Variants in RYR3 observed in about 807,000 individuals in gnomAD.
RYR3 encodes brain ryanodine receptor-calcium release channel.
RYR3 carries 207 observed loss-of-function variants against 584.3 expected under a neutral mutation model. The observed-to-expected ratio is 0.35, with a 90% CI of 0.32 to 0.40. The LOEUF is 0.40. Among genes scored for constraint, RYR3 ranks in the 10% least tolerant of loss-of-function variants. RYR3 has a pLI of 1.00. For synonymous variants in RYR3, 2,416 were observed against 2,248.5 expected (o/e 1.07, Z -2.11); for missense variants, 5,616 against 6,089.2 (o/e 0.92, Z 2.59).
chr15:33,504,909 T>C (rs1442515066), intron 3 of RYR3, among the ~76,000 whole-genome samples: 2 of 152,182 alleles, frequency 1.3e-5, no homozygotes, highest in Non-Finnish European at 2.9e-5. Context: ...AAGGAACTAG[T>C]TTAGTTATTA....
In RYR3 at chr15:33,444,674, G is replaced by C. The variant is rs374834035; in HGVS notation, c.52-28745G>C. ...TCTTAGTTGGGGCAATTACATTGGA[G>C]GCTTAGACCTGAGCGGTGGGTCAAC... On this transcript the variant is annotated intron_variant, in intron 1 of 103. Transcript: ENST00000634891. 2.5e-3 allele frequency among the ~76,000 whole-genome samples: 376 copies of C among 152,284 alleles called. 1 individual carries two copies. Among genetic ancestry groups the C allele is most frequent in the African/African-American group, 7.4e-3 (306 of 41,556 alleles).
intron 60 of RYR3, among the ~76,000 whole-genome samples, chr15:33,767,712 T>A (rs943949852): frequency 6.6e-6 from 1 of 152,192 alleles, no homozygotes; most frequent in Non-Finnish European, 1.5e-5. Context: ...GTGGCTTTTT[T>A]CTCTCTTCTT....
intron 1 of RYR3, among the ~76,000 whole-genome samples, chr15:33,426,038 T>A (rs891123711): frequency 3.3e-5 from 5 of 152,122 alleles, no homozygotes; most frequent in South Asian, 2.1e-4. Flanking sequence ...TATGTAAAGA[T>A]CAAAAATCTT....
chr15:33,331,163 A>G (rs895181476), intron 1 of RYR3, among the ~76,000 whole-genome samples: 2 of 152,196 alleles, frequency 1.3e-5, no homozygotes, highest in South Asian at 4.1e-4. Context: ...TTTTAAACAT[A>G]CTAAAGTTAA....
Position 33,860,645 on chromosome 15 carries a change from C to T in RYR3, c.14350C>T (p.Arg4784Ter), listed in dbSNP as rs780612075. 4.4e-6 allele frequency: 7 copies of T among 1,591,888 alleles called. No homozygotes were observed. Among genetic ancestry groups the T allele is most frequent in the Admixed American group, 1.7e-5 (1 of 57,360 alleles). The change falls in exon 101 of 104, where the codon CGA becomes TGA. Residue 4784 changes from arginine (R) to a stop codon, truncating the protein, a stop_gained. Transcript: ENST00000634891. LOFTEE classifies it high-confidence loss of function. ...GELRDQQEQV[R>*]EDMETKCFIC... ...GCTAAGAGACCAGCAGGAACAAGTA[C>T]GAGAAGATATGGAGGTAATGTTACT...
intron 102 of RYR3, among the ~76,000 whole-genome samples, chr15:33,862,667 G>A (rs753626561): frequency 1.3e-5 from 2 of 152,080 alleles, no homozygotes; most frequent in Admixed American, 1.3e-4. Flanking sequence ...CTGAAGTGCA[G>A]TGGCGCCATC....
chr15:33,853,692 G>A lies in RYR3; in HGVS notation c.13799+10G>A. ...CTTCTCTGGTGTCATGGTACAAAAAGCTTAGGAGTTCAAATCCAAAGCAGC... is the reference window on the plus strand; with the variant it reads ...CTTCTCTGGTGTCATGGTACAAAAAACTTAGGAGTTCAAATCCAAAGCAGC... On this transcript the variant is annotated intron_variant, in intron 96 of 103. Transcript: ENST00000634891. 6.2e-7 allele frequency: 1 copy of A among 1,610,046 alleles called. No homozygotes were observed. The highest frequency in any genetic ancestry group is 1.3e-5 in the African/African-American group (1 of 74,790).
chr15:33,632,856 G>A (rs746692289), intron 23 of RYR3, 93 bp from the exon 24 acceptor site: 93 of 1,074,448 alleles, frequency 8.7e-5, no homozygotes, highest in Middle Eastern at 5.2e-4. Flanking sequence ...CCTTATTTGC[G>A]TAGCGTTCTT....
At chr15:33,426,923 GTCTT>G (rs1292823423) in intron 1 of RYR3, among the ~76,000 whole-genome samples, 1 of 152,160 alleles carries the variant, frequency 6.6e-6, no homozygotes, top group Non-Finnish European at 1.5e-5. Flanking sequence ...GAGAGCTCTG[GTCTT>G]TCTGTCTACT....
chr15:33,724,511 A>T (rs899055561), intron 45 of RYR3, among the ~76,000 whole-genome samples: 2 of 152,164 alleles, frequency 1.3e-5, no homozygotes, highest in East Asian at 1.9e-4. Context: ...GGCCATCAGG[A>T]TGCTCCATGT....
At position 33,634,723 on chromosome 15, in the gene RYR3, C is replaced by A; in HGVS notation, c.3165C>A (p.Asp1055Glu). The A allele has an allele frequency of 1.2e-6, 2 of 1,613,830 alleles. No individual in the cohort carries two copies. Among genetic ancestry groups the A allele is most frequent in the Non-Finnish European group, 1.7e-6 (2 of 1,179,800 alleles). Residue 1055 changes from aspartate (D) to glutamate (E), a missense_variant, in exon 25 of 104, where the codon GAC becomes GAA. By Grantham distance (45) the Asp-to-Glu change is conservative. Around this residue, in one of 9 missense-constraint regions of RYR3, gnomAD observed 1,284 missense variants for 1,344.6 expected, o/e 0.95. Coordinates refer to ENST00000634891, the MANE Select transcript of RYR3 (RefSeq NM_001036.6). ...ACGGGTATAACATTGAGCCATCAGACCAAGAACTAGGTAATGAGTTGAGAG... is the reference window on the plus strand; with the variant it reads ...ACGGGTATAACATTGAGCCATCAGAACAAGAACTAGGTAATGAGTTGAGAG... ...VGYGYNIEPSDQELADSAVEK... is the reference protein window; with the variant it reads ...VGYGYNIEPSEQELADSAVEK...
intron 11 of RYR3, among the ~76,000 whole-genome samples, chr15:33,563,983 A>C (rs1339089063): frequency 6.6e-6 from 1 of 152,216 alleles, no homozygotes; most frequent in Non-Finnish European, 1.5e-5. Context: ...CTTCAAAAAA[A>C]ATGGAAGGTT....
chr15:33,380,563 A>G (rs1206111971), intron 1 of RYR3, among the ~76,000 whole-genome samples: 1 of 152,250 alleles, frequency 6.6e-6, no homozygotes, highest in Non-Finnish European at 1.5e-5. Flanking sequence ...GGCTAAATAT[A>G]GCAAATTCCA....
chr15:33,351,939 G>T (rs1567077477), intron 1 of RYR3, among the ~76,000 whole-genome samples: 1 of 151,874 alleles, frequency 6.6e-6, no homozygotes, highest in East Asian at 1.9e-4. Flanking sequence ...GAAATAAAGG[G>T]TATTCAATTA....
At chr15:33,586,515 G>A (rs1472632617) in intron 16 of RYR3, among the ~76,000 whole-genome samples, 14 of 152,176 alleles carry the variant, frequency 9.2e-5, no homozygotes, top group Admixed American at 9.2e-4. Flanking sequence ...TTAAAACAGT[G>A]TAGAAAGTCT....
At chr15:33,539,130 C>T in intron 5 of RYR3, 1 of 393,914 alleles carries the variant, frequency 2.5e-6, no homozygotes, top group African/African-American at 2.0e-5. Context: ...CCTTTCCATA[C>T]ACTGTTTTTC....
chr15:33,642,593 A>G (rs968263334), intron 27 of RYR3, among the ~76,000 whole-genome samples: 2 of 152,196 alleles, frequency 1.3e-5, no homozygotes, highest in African/African-American at 4.8e-5. Context: ...GTCTTTCCCA[A>G]TGCGGAGCCT....
At chr15:33,607,438 A>G (rs1037832008) in intron 18 of RYR3, among the ~76,000 whole-genome samples, 2 of 152,128 alleles carry the variant, frequency 1.3e-5, no homozygotes, top group Non-Finnish European at 2.9e-5. Flanking sequence ...ACTGGCAGAG[A>G]TAAGAACCAC....
At chr15:33,504,922 T>C (rs538128404) in intron 3 of RYR3, among the ~76,000 whole-genome samples, 1 of 152,244 alleles carries the variant, frequency 6.6e-6, no homozygotes, top group Non-Finnish European at 1.5e-5. Context: ...AGTTATTAGA[T>C]GAGTTGAGAA....
Sources: gnomAD v4.1 joint callset for allele counts (sites outside exome capture counted in the v4.1 genomes callset) on GRCh38, gnomAD v4.1.1 for gene constraint, gnomAD v4.1.1 regional missense constraint, MANE v1.5 for transcripts, NCBI Gene and HGNC (gene_info 2026-07-23, HGNC 2026-07-21) for gene names.